Variants in PCDHA3 observed in about 807,000 individuals in gnomAD.
The protein encoded by PCDHA3 is protocadherin alpha 3.
PCDHA3 carries 41 observed loss-of-function variants against 62.2 expected under a neutral mutation model. The observed-to-expected ratio is 0.66, with a 90% CI of 0.51 to 0.86. PCDHA3 has a LOEUF of 0.86. Among genes scored for constraint, PCDHA3 ranks in the 40% least tolerant of loss-of-function variants. The pLI, the probability that PCDHA3 is intolerant of heterozygous loss-of-function variation, is 0.00. For missense variants in PCDHA3, 1,304 were observed against 1,241.2 expected (o/e 1.05, Z -0.76); for synonymous variants, 640 against 555.4 (o/e 1.15, Z -2.14).
chr5:141,006,384 T>C, intron 3 of PCDHA3, among the ~76,000 whole-genome samples: 2 of 152,126 alleles, frequency 1.3e-5, no homozygotes, highest in South Asian at 4.2e-4. Flanking sequence ...GCTAAGTTTT[T>C]TCTATTTTTT....
At chr5:140,958,133 G>T (rs1472500802) in intron 1 of PCDHA3, among the ~76,000 whole-genome samples, 2 of 152,046 alleles carry the variant, frequency 1.3e-5, no homozygotes, top group East Asian at 3.8e-4. Flanking sequence ...ATGTATCAGT[G>T]TGTATATTTA....
chr5:140,924,901 A>AATAAAAT lies in PCDHA3; in HGVS notation c.2395-54047_2395-54046insTAAAATA, dbSNP rs145282866. On this transcript the variant is annotated intron_variant, in intron 1 of 3. Transcript: ENST00000522353. The stretch of plus-strand genomic sequence containing the variant: ...CAGAGCAAGAACCTGTCTCAAAAAA[A>AATAAAAT]AAAATAAAATAAAATAAAATAAAAT... 2.3e-3 allele frequency among the ~76,000 whole-genome samples: 186 copies of AATAAAAT among 80,480 alleles called. 2 individuals carry two copies. The highest frequency in any genetic ancestry group is 0.012 in the Middle Eastern group (2 of 162). The allele number at this position is 80,480 out of a possible 152,430, so 52.8% of individuals were successfully genotyped here. A position where few individuals can be genotyped will look rare whatever the true frequency, so the allele number is the denominator to read the frequency against.
chr5:140,996,705 CTT>C (rs1222604793), intron 3 of PCDHA3, among the ~76,000 whole-genome samples: 3 of 152,108 alleles, frequency 2.0e-5, no homozygotes, highest in African/African-American at 7.2e-5. Flanking sequence ...ACCTCTATCT[CTT>C]TGATTTAATT....
At chr5:140,808,559 C>G in intron 1 of PCDHA3, 2 of 1,614,116 alleles carry the variant, frequency 1.2e-6, no homozygotes, top group Non-Finnish European at 1.7e-6. Flanking sequence ...GTTCGCGCAG[C>G]CCGAGTACAC....
chr5:140,803,679 A>G, intron 1 of PCDHA3, 88 bp downstream of exon 1: 1 of 1,584,602 alleles, frequency 6.3e-7, no homozygotes, highest in Non-Finnish European at 8.6e-7. Context: ...TTAATAGTTA[A>G]GTATGAATTA....
At chr5:140,942,992 C>T (rs782446748) in intron 1 of PCDHA3, among the ~76,000 whole-genome samples, 3 of 152,006 alleles carry the variant, frequency 2.0e-5, no homozygotes, top group South Asian at 2.1e-4. Flanking sequence ...TGTGGTGGCT[C>T]ATGCCTGTAA....
Position 140,856,234 on chromosome 5 carries a change from G to A in PCDHA3, c.2394+52643G>A. On this transcript the variant is annotated intron_variant, in intron 1 of 3. Transcript: ENST00000522353. ...AGCTGGCGGAGCTGGTGCAGCGCCT[G>A]TTCCGGGTGGCGTCCAAAAGACACG... 3 of 1,598,040 alleles carry A rather than the reference G, an allele frequency of 1.9e-6. 1 individual carries two copies. Among genetic ancestry groups the A allele is most frequent in the Non-Finnish European group, 2.6e-6 (3 of 1,167,878 alleles).
At chr5:140,842,951 C>T in intron 1 of PCDHA3, 2 of 1,594,846 alleles carry the variant, frequency 1.3e-6, no homozygotes, top group Non-Finnish European at 1.7e-6. Context: ...GGGCGTGCCG[C>T]CTCTGGGCAG....
At chr5:140,841,695 A>C in intron 1 of PCDHA3, 1 of 1,613,932 alleles carries the variant, frequency 6.2e-7, no homozygotes, top group East Asian at 2.2e-5. Flanking sequence ...GAGGTGAAGG[A>C]TGTTAATGAC....
At chr5:140,877,136 T>C (rs782812769) in intron 1 of PCDHA3, 2 of 1,613,760 alleles carry the variant, frequency 1.2e-6, no homozygotes, top group Non-Finnish European at 1.7e-6. Context: ...CAGGTGTTCG[T>C]GCTGGACGAG....
At chr5:140,815,995 C>T (rs1246800642) in intron 1 of PCDHA3, 1 of 152,110 alleles carries the variant, frequency 6.6e-6, no homozygotes, top group Non-Finnish European at 1.5e-5. Flanking sequence ...TTTTCTTTTG[C>T]TGCTTTCTAA....
intron 1 of PCDHA3, among the ~76,000 whole-genome samples, chr5:140,894,100 G>C (rs1554185932): frequency 2.0e-5 from 3 of 151,990 alleles, no homozygotes; most frequent in African/African-American, 7.3e-5. Context: ...CTAGCTCCTG[G>C]TGTTGCAGAT....
At chr5:140,918,331 G>A (rs1429617568) in intron 1 of PCDHA3, among the ~76,000 whole-genome samples, 1 of 152,114 alleles carries the variant, frequency 6.6e-6, no homozygotes, top group Non-Finnish European at 1.5e-5. Context: ...TATATTGTCT[G>A]CTAAGAGAGA....
intron 1 of PCDHA3, among the ~76,000 whole-genome samples, chr5:140,958,932 C>T (rs2095452700): frequency 8.5e-6 from 1 of 118,160 alleles, no homozygotes; most frequent in South Asian, 2.5e-4. Flanking sequence ...GTGGCTCATA[C>T]TTGTAATAAT....
chr5:140,870,825 C>A (rs1554164734), intron 1 of PCDHA3: 6 of 1,613,726 alleles, frequency 3.7e-6, no homozygotes, highest in East Asian at 2.2e-5. Flanking sequence ...GCGCGGGAGG[C>A]GCAGTTAACA....
chr5:140,966,382 G>A, intron 1 of PCDHA3: 1 of 403,884 alleles, frequency 2.5e-6, no homozygotes, highest in Non-Finnish European at 4.3e-6. Context: ...GTCCGGGTTC[G>A]CTGTCCGCCA....
chr5:140,808,542 C>G, intron 1 of PCDHA3: 2 of 1,614,170 alleles, frequency 1.2e-6, no homozygotes, highest in Non-Finnish European at 1.7e-6. Context: ...AACGACAACG[C>G]TCCGGCGTTC....
At chr5:140,969,284 G>T (rs782449740) in intron 1 of PCDHA3, 1 of 1,614,216 alleles carries the variant, frequency 6.2e-7, no homozygotes, top group Non-Finnish European at 8.5e-7. Flanking sequence ...TGGTCAGAAT[G>T]CTGGGAACCT....
At chr5:140,902,729 C>T (rs1554190627) in intron 1 of PCDHA3, among the ~76,000 whole-genome samples, 1 of 152,068 alleles carries the variant, frequency 6.6e-6, no homozygotes, top group East Asian at 1.9e-4. Flanking sequence ...CCCTTCCCTC[C>T]AAGTCCCCCA....
Sources: gnomAD v4.1 joint callset for allele counts (sites outside exome capture counted in the v4.1 genomes callset) on GRCh38, gnomAD v4.1.1 for gene constraint, MANE v1.5 for transcripts, NCBI Gene and HGNC (gene_info 2026-07-23, HGNC 2026-07-21) for gene names.